The following LMTK2 variants were observed in gnomAD, a reference collection of about 807,000 sequenced individuals.
LMTK2 encodes lemur tail kinase 2.
LMTK2 carries 37 observed loss-of-function variants against 127.5 expected under a neutral mutation model. The observed-to-expected ratio is 0.29, with a 90% CI of 0.22 to 0.38. LMTK2 has a LOEUF of 0.38. LMTK2 is among the 10% of genes least tolerant of loss of function. The pLI, the probability that LMTK2 is intolerant of heterozygous loss-of-function variation, is 1.00. For synonymous variants in LMTK2, 819 were observed against 810.1 expected, an observed-to-expected ratio of 1.01 and a Z score of -0.19; for missense variants, 1,694 against 1,920.3, an observed-to-expected ratio of 0.88 and a Z score of 2.20.
At chr7:98,201,119 C>T (rs772374841) in intron 11 of LMTK2, among the ~76,000 whole-genome samples, 4 of 151,932 alleles carry the variant, frequency 2.6e-5, no homozygotes, top group African/African-American at 2.4e-5. Flanking sequence ...GACTATTTCA[C>T]ACTCATTCCT....
In LMTK2 at chr7:98,207,222, C is replaced by A. The variant is rs1797819180; in HGVS notation, c.*1730C>A. ...TCCGGTGCTGATATGTTTCCAGACT[C>A]CAGCGCAACCTGGGGTGCTCTCCAG... is the stretch of plus-strand genomic sequence containing the variant. On this transcript the variant is annotated 3_prime_UTR_variant, in exon 14 of 14. Coordinates refer to ENST00000297293, the MANE Select transcript of LMTK2 (RefSeq NM_014916.4). 1 of 152,280 alleles carries A rather than the reference C, an allele frequency of 6.6e-6. No individual in the cohort carries two copies. The highest frequency in any genetic ancestry group is 2.4e-5 in the African/African-American group (1 of 41,444). 9.4% of individuals were successfully genotyped at this position (152,280 alleles called of 1,614,324 possible).
Position 98,192,588 on chromosome 7 carries a change from A to G in LMTK2, c.2123A>G (p.Gln708Arg). ...PLCLSDNLMHQDNFDPLNVQE... is the reference protein window; with the variant it reads ...PLCLSDNLMHRDNFDPLNVQE... ...TGCCTATCAGATAATCTTATGCACC[A>G]AGATAATTTTGATCCATTGAATGTT... Residue 708 changes from glutamine (Q) to arginine (R), a missense_variant, in exon 11 of 14, where the codon CAA (glutamine) becomes CGA (arginine). By Grantham distance (43) the Gln-to-Arg change is conservative. Transcript: ENST00000297293. 2.5e-6 allele frequency: 4 copies of G among 1,613,370 alleles called. No individual in the cohort carries two copies. The highest frequency in any genetic ancestry group is 3.4e-6 in the Non-Finnish European group (4 of 1,179,874).
chr7:98,155,184 A>AC (rs1796910701), intron 5 of LMTK2, among the ~76,000 whole-genome samples: 1 of 152,208 alleles, frequency 6.6e-6, no homozygotes, highest in Non-Finnish European at 1.5e-5. Flanking sequence ...CACGTTTAAA[A>AC]CAAAAAAAAT....
At position 98,123,108 on chromosome 7, in the gene LMTK2, C is replaced by T. The variant is rs947115328; in HGVS notation, c.104-14207C>T. ...CTGTCCTGTCCCGTTCCTCCCCATC[C>T]CTGCTGCTGGCTCCCAGTGGCAACG... On this transcript the variant is annotated intron_variant, in intron 1 of 13. Coordinates refer to ENST00000297293, the MANE Select transcript of LMTK2 (RefSeq NM_014916.4). Among the ~76,000 whole-genome samples the T allele has an allele frequency of 3.3e-5, 5 of 152,310 alleles. No homozygotes were observed. In the South Asian group the frequency reaches 1.0e-3, roughly 32 times the overall value.
chr7:98,163,093 A>G (rs951217835), intron 6 of LMTK2, among the ~76,000 whole-genome samples: 1 of 151,542 alleles, frequency 6.6e-6, no homozygotes, highest in Non-Finnish European at 1.5e-5. Context: ...TCCTAGAGAC[A>G]GAAAGTAGAA....
At position 98,207,948 on chromosome 7, in the gene LMTK2, A is replaced by G. The variant is rs1352749383; in HGVS notation, c.*2456A>G. ...TACTAAAAATACAAAATATATATATATATATATATACTAGCTGGGGCACAT... is the reference window on the plus strand; with the variant it reads ...TACTAAAAATACAAAATATATATATGTATATATATACTAGCTGGGGCACAT... On this transcript the variant is annotated 3_prime_UTR_variant, in exon 14 of 14. Coordinates refer to ENST00000297293, the MANE Select transcript of LMTK2 (RefSeq NM_014916.4). 1 of 151,392 alleles carries G rather than the reference A, an allele frequency of 6.6e-6. No individual in the cohort carries two copies. The highest frequency in any genetic ancestry group is 2.4e-5 in the African/African-American group (1 of 41,174). 9.4% of individuals were successfully genotyped at this position (151,392 alleles called of 1,614,324 possible).
intron 9 of LMTK2, among the ~76,000 whole-genome samples, chr7:98,189,027 C>T (rs1797480952): frequency 6.6e-6 from 1 of 152,146 alleles, no homozygotes; most frequent in African/African-American, 2.4e-5. Context: ...TTCCCTCTGA[C>T]TGGGTGATTT....
intron 1 of LMTK2, among the ~76,000 whole-genome samples, chr7:98,129,461 T>G (rs1796491184): frequency 6.6e-6 from 1 of 152,102 alleles, no homozygotes; most frequent in Admixed American, 6.6e-5. Context: ...TACTTCAGCC[T>G]TGACCTCCTG....
chr7:98,135,459 G>A (rs1310051526), intron 1 of LMTK2, among the ~76,000 whole-genome samples: 1 of 151,928 alleles, frequency 6.6e-6, no homozygotes, highest in Non-Finnish European at 1.5e-5. Context: ...CTTCAGGCAC[G>A]TGTCACCACG....
At chr7:98,156,148 A>G (rs1190932416) in intron 5 of LMTK2, among the ~76,000 whole-genome samples, 2 of 152,236 alleles carry the variant, frequency 1.3e-5, no homozygotes, top group Non-Finnish European at 2.9e-5. Context: ...AAAGTAATGA[A>G]TTAAGATCCC....
chr7:98,142,049 T>C (rs1796707417), intron 3 of LMTK2, among the ~76,000 whole-genome samples: 1 of 152,224 alleles, frequency 6.6e-6, no homozygotes, highest in South Asian at 2.1e-4. Context: ...TTTTTTTTTT[T>C]AGAGTTTGAA....
chr7:98,146,084 G>A (rs1796769049), intron 3 of LMTK2, among the ~76,000 whole-genome samples: 1 of 152,136 alleles, frequency 6.6e-6, no homozygotes, highest in Non-Finnish European at 1.5e-5. Flanking sequence ...CTATTGAATT[G>A]TCCTGGAACC....
chr7:98,120,757 C>T lies in LMTK2; in HGVS notation c.103+13477C>T, dbSNP rs547505761. 4.9e-4 allele frequency among the ~76,000 whole-genome samples: 75 copies of T among 152,266 alleles called. 1 individual carries two copies. Among genetic ancestry groups the T allele is most frequent in the African/African-American group, 1.8e-3 (73 of 41,542 alleles). ...CGGATCCAGCCTGTCAGTTACTGAG[C>T]AGAGCCCCACTTGACTCTTACCTCA... is the stretch of plus-strand genomic sequence containing the variant. On this transcript the variant is annotated intron_variant, in intron 1 of 13. Transcript: ENST00000297293.
intron 11 of LMTK2, among the ~76,000 whole-genome samples, chr7:98,197,651 A>G (rs1797645945): frequency 6.6e-6 from 1 of 151,910 alleles, no homozygotes; most frequent in African/African-American, 2.4e-5. Flanking sequence ...CCAGGAGGTG[A>G]GACTGGTCTA....
intron 1 of LMTK2, among the ~76,000 whole-genome samples, chr7:98,115,700 C>T (rs932136454): frequency 1.3e-5 from 2 of 151,906 alleles, no homozygotes; most frequent in Non-Finnish European, 2.9e-5. Flanking sequence ...ACTCAGGAGG[C>T]TGAGGTTGAA....
intron 6 of LMTK2, 150 bp downstream of exon 6, chr7:98,159,575 A>G: frequency 6.2e-6 from 4 of 645,644 alleles, no homozygotes; most frequent in Non-Finnish European, 1.1e-5. Flanking sequence ...CCCTTTGGTG[A>G]TGGTGATAGT....
At chr7:98,180,965 G>A (rs1037896876) in intron 7 of LMTK2, among the ~76,000 whole-genome samples, 4 of 152,152 alleles carry the variant, frequency 2.6e-5, no homozygotes, top group African/African-American at 9.7e-5. Context: ...AAGAGGAGGG[G>A]AGGAGGAGGA....
chr7:98,143,443 C>T (rs1045810829), intron 3 of LMTK2, among the ~76,000 whole-genome samples: 1 of 152,140 alleles, frequency 6.6e-6, no homozygotes, highest in African/African-American at 2.4e-5. Flanking sequence ...AAAACGGTTA[C>T]ATATCAAGAG....
chr7:98,198,943 T>C (rs1797670726), intron 11 of LMTK2, among the ~76,000 whole-genome samples: 2 of 152,114 alleles, frequency 1.3e-5, no homozygotes, highest in South Asian at 2.1e-4. Flanking sequence ...TTTAATATAT[T>C]AGTTATAATT....
Sources: allele counts gnomAD v4.1 joint callset (sites outside exome capture counted in the v4.1 genomes callset), GRCh38; gene constraint gnomAD v4.1.1; transcripts MANE v1.5; gene names NCBI Gene and HGNC (gene_info 2026-07-23, HGNC 2026-07-21).